KLHL7: variants seen among roughly 807,000 people sequenced by gnomAD.
KLHL7 encodes the protein kelch like family member 7.
Under a neutral mutation model 67.4 loss-of-function variants are expected in KLHL7, and 44 were observed. The observed-to-expected ratio is 0.65, with a 90% CI of 0.51 to 0.84. The LOEUF is 0.84. KLHL7 is among the 40% of genes least tolerant of loss of function. The pLI, the probability that KLHL7 is intolerant of heterozygous loss-of-function variation, is 0.00. For missense variants in KLHL7, 362 were observed against 718.1 expected (o/e 0.50, Z 5.67); for synonymous variants, 252 against 243.3 (o/e 1.04, Z -0.33).
chr7:23,122,937 G>A (rs944064375), intron 1 of KLHL7, among the ~76,000 whole-genome samples: 3 of 152,112 alleles, frequency 2.0e-5, no homozygotes, highest in African/African-American at 7.2e-5. Context: ...TTTTCTGTAA[G>A]CCTAATCTCT....
intron 4 of KLHL7, chr7:23,126,067 CTT>C (rs777809493): frequency 1.6e-6 from 1 of 635,924 alleles, no homozygotes; most frequent in South Asian, 1.7e-5. Flanking sequence ...CATCACTACT[CTT>C]ATATTTTGGG....
chr7:23,171,185 G>A (rs1473393456), intron 9 of KLHL7: 1 of 358,542 alleles, frequency 2.8e-6, no homozygotes, highest in Non-Finnish European at 5.7e-6. Context: ...GATTACAGGC[G>A]AAAAAACGCT....
intron 8 of KLHL7, 120 bp downstream of exon 8, chr7:23,166,058 A>G (rs1784995963): frequency 1.7e-6 from 2 of 1,193,336 alleles, no homozygotes; most frequent in Non-Finnish European, 1.2e-6. Flanking sequence ...TAATTTAAAT[A>G]TGTGTTTGTC....
Position 23,126,102 on chromosome 7 carries a change from G to T in KLHL7, c.442+930G>T, listed in dbSNP as rs532652158. On this transcript the variant is annotated intron_variant, in intron 4 of 10. Transcript: ENST00000339077. ...GGGGCCATTATTAAGTAAAATAAGG[G>T]TTACTTGAACAGAGCACTGCAATAC... 3 of 537,190 alleles carry T rather than the reference G, an allele frequency of 5.6e-6. No individual in the cohort carries two copies. In the South Asian group the frequency reaches 5.7e-5, roughly 10 times the overall value. 33.3% of individuals were successfully genotyped at this position (537,190 alleles called of 1,614,324 possible). A position where few individuals can be genotyped will look rare whatever the true frequency, so the allele number is the denominator to read the frequency against.
At chr7:23,172,055 G>A (rs1378514379) in intron 9 of KLHL7, 1 of 433,870 alleles carries the variant, frequency 2.3e-6, no homozygotes, top group Non-Finnish European at 4.6e-6. Context: ...TAATTATAGA[G>A]AGTTACTCTT....
At chr7:23,131,600 G>T (rs1395235508) in intron 4 of KLHL7, among the ~76,000 whole-genome samples, 1 of 151,976 alleles carries the variant, frequency 6.6e-6, no homozygotes, top group African/African-American at 2.4e-5. Context: ...GGAGAATGGG[G>T]TATCCATCCC....
At chr7:23,135,636 T>C (rs1205274376) in intron 4 of KLHL7, among the ~76,000 whole-genome samples, 1 of 152,234 alleles carries the variant, frequency 6.6e-6, no homozygotes, top group African/African-American at 2.4e-5. Flanking sequence ...TACATTAGTC[T>C]TTATTAGAAT....
At chr7:23,158,850 C>T (rs1358709084) in intron 7 of KLHL7, among the ~76,000 whole-genome samples, 1 of 152,114 alleles carries the variant, frequency 6.6e-6, no homozygotes, top group East Asian at 1.9e-4. Context: ...GTGTTGGTGG[C>T]ATGGAAAGAA....
At chr7:23,115,934 T>C (rs1259593979) in intron 1 of KLHL7, among the ~76,000 whole-genome samples, 2 of 152,204 alleles carry the variant, frequency 1.3e-5, no homozygotes, top group Non-Finnish European at 2.9e-5. Context: ...CTTTTTTCCC[T>C]ATTATCCATC....
intron 7 of KLHL7, among the ~76,000 whole-genome samples, chr7:23,158,043 G>A (rs999702657): frequency 6.6e-6 from 1 of 152,138 alleles, no homozygotes; most frequent in African/African-American, 2.4e-5. Context: ...GTGGCTCACT[G>A]CAGCCTTGAC....
chr7:23,117,409 CTTCTT>C (rs1314978315), intron 1 of KLHL7, among the ~76,000 whole-genome samples: 3 of 63,954 alleles, frequency 4.7e-5, no homozygotes, highest in African/African-American at 2.0e-4. Context: ...TCTTACTTCT[CTTCTT>C]CTATTCCTGT....
At chr7:23,138,291 G>A (rs896791278) in intron 4 of KLHL7, among the ~76,000 whole-genome samples, 4 of 150,878 alleles carry the variant, frequency 2.7e-5, no homozygotes, top group East Asian at 4.0e-4. Context: ...GTGAAACCCC[G>A]TCTCTACTAA....
chr7:23,114,608 G>C (rs1233976707), intron 1 of KLHL7, among the ~76,000 whole-genome samples: 1 of 152,136 alleles, frequency 6.6e-6, no homozygotes, highest in Non-Finnish European at 1.5e-5. Context: ...CTAGCTCAGG[G>C]AATGCTTTGT....
At chr7:23,140,720 GT>G in intron 4 of KLHL7, 48 bp from the exon 5 acceptor site, 1 of 1,536,578 alleles carries the variant, frequency 6.5e-7, no homozygotes. Flanking sequence ...TGTATACTTG[GT>G]TTTTCTAAAA....
At chr7:23,121,767 C>G (rs1373694156) in intron 1 of KLHL7, among the ~76,000 whole-genome samples, 1 of 150,586 alleles carries the variant, frequency 6.6e-6, no homozygotes, top group Non-Finnish European at 1.5e-5. Flanking sequence ...ACTGCAAGCT[C>G]CGCCTCCTGG....
At chr7:23,173,229 T>C (rs1785216092) in intron 10 of KLHL7, among the ~76,000 whole-genome samples, 184 bp downstream of exon 10, 1 of 152,192 alleles carries the variant, frequency 6.6e-6, no homozygotes, top group Non-Finnish European at 1.5e-5. Flanking sequence ...CATTCCTGTT[T>C]ATGAAATGTC....
intron 6 of KLHL7, among the ~76,000 whole-genome samples, chr7:23,150,488 C>T (rs929416426): frequency 6.6e-6 from 1 of 151,886 alleles, no homozygotes; most frequent in Non-Finnish European, 1.5e-5. Context: ...TTTTTCATTC[C>T]ATATTATTTA....
chr7:23,110,953 A>ACC (rs1294064499), intron 1 of KLHL7, among the ~76,000 whole-genome samples: 1 of 152,072 alleles, frequency 6.6e-6, no homozygotes, highest in Non-Finnish European at 1.5e-5. Flanking sequence ...CTTATTGACA[A>ACC]CCCACTGTAT....
chr7:23,125,065 A>G lies in KLHL7; in HGVS notation c.335A>G (p.Asn112Ser). 5 of 1,612,674 alleles carry G rather than the reference A, an allele frequency of 3.1e-6. No homozygotes were observed. Among genetic ancestry groups the G allele is most frequent in the Non-Finnish European group, 4.2e-6 (5 of 1,178,764 alleles). Residue 112 changes from asparagine (N) to serine (S), a missense_variant, in exon 4 of 11, where the codon AAC becomes AGC. By Grantham distance (46) the Asn-to-Ser change is conservative. Coordinates refer to ENST00000339077, the MANE Select transcript of KLHL7 (RefSeq NM_001031710.3). ...AYTARISVNSNNVQSLLDAAN... is the reference protein window; with the variant it reads ...AYTARISVNSSNVQSLLDAAN... ...ATTTGCAGAATTTCCGTGAATAGCAACAATGTTCAGTCTTTGCTGGATGCA... is the reference window on the plus strand; with the variant it reads ...ATTTGCAGAATTTCCGTGAATAGCAGCAATGTTCAGTCTTTGCTGGATGCA...
Sources: allele counts gnomAD v4.1 joint callset (sites outside exome capture counted in the v4.1 genomes callset), GRCh38; gene constraint gnomAD v4.1.1; transcripts MANE v1.5; gene names NCBI Gene and HGNC (gene_info 2026-07-23, HGNC 2026-07-21).